Variants in FOXP1 observed in about 807,000 individuals in gnomAD.
FOXP1 encodes forkhead box P1.
Under a neutral mutation model 98.2 loss-of-function variants are expected in FOXP1, and 15 were observed. The observed-to-expected ratio is 0.15, with a 90% CI of 0.10 to 0.24. The LOEUF (loss-of-function observed/expected upper bound fraction) is 0.24, where lower values mean the gene tolerates loss of function less well. FOXP1 is among the 10% of genes least tolerant of loss of function. FOXP1 has a pLI of 1.00. For synonymous variants in FOXP1, 371 were observed against 314.5 expected, an observed-to-expected ratio of 1.18 and a Z score of -1.90; for missense variants, 633 against 848.5, an observed-to-expected ratio of 0.75 and a Z score of 3.15.
intron 12 of FOXP1, among the ~76,000 whole-genome samples, chr3:71,014,557 G>C (rs2044160269): frequency 6.6e-6 from 1 of 152,198 alleles, no homozygotes; most frequent in Non-Finnish European, 1.5e-5. Flanking sequence ...GTGTAAACTA[G>C]TACAACCATT....
intron 3 of FOXP1, among the ~76,000 whole-genome samples, chr3:71,436,209 C>T (rs1029318466): frequency 1.3e-5 from 2 of 151,974 alleles, no homozygotes; most frequent in Admixed American, 1.3e-4. Flanking sequence ...CCCGCAACAG[C>T]CCCTGCCACC....
At chr3:71,294,739 G>C (rs1216362955) in intron 5 of FOXP1, among the ~76,000 whole-genome samples, 1 of 152,144 alleles carries the variant, frequency 6.6e-6, no homozygotes, top group Admixed American at 6.5e-5. Context: ...TGGCCACCTA[G>C]GTAGAGACAC....
chr3:71,137,340 A>T (rs1411919960), intron 6 of FOXP1, among the ~76,000 whole-genome samples: 3 of 152,032 alleles, frequency 2.0e-5, no homozygotes, highest in Non-Finnish European at 2.9e-5. Context: ...ACAGCAAAAC[A>T]TCCTCGCCAG....
intron 6 of FOXP1, among the ~76,000 whole-genome samples, chr3:71,166,361 C>T (rs2061400612): frequency 6.6e-6 from 1 of 152,148 alleles, no homozygotes; most frequent in Non-Finnish European, 1.5e-5. Context: ...CTGTTACGGC[C>T]CCCATCTTCC....
chr3:71,029,690 C>T (rs959369378), intron 11 of FOXP1, among the ~76,000 whole-genome samples: 5 of 152,124 alleles, frequency 3.3e-5, no homozygotes, highest in African/African-American at 9.7e-5. Flanking sequence ...CACGCTGGGC[C>T]CATTTTTAAC....
chr3:71,461,263 A>G (rs2088070044), intron 3 of FOXP1, among the ~76,000 whole-genome samples: 1 of 152,208 alleles, frequency 6.6e-6, no homozygotes, highest in African/African-American at 2.4e-5. Flanking sequence ...CTTTTGTTTC[A>G]TATTAGAATA....
intron 6 of FOXP1, among the ~76,000 whole-genome samples, chr3:71,142,317 C>G (rs1228620484): frequency 6.6e-6 from 1 of 152,196 alleles, no homozygotes; most frequent in Non-Finnish European, 1.5e-5. Context: ...TAACACACCC[C>G]TTCCCAGAGA....
At chr3:71,459,359 G>A (rs2087800364) in intron 3 of FOXP1, among the ~76,000 whole-genome samples, 1 of 152,176 alleles carries the variant, frequency 6.6e-6, no homozygotes, top group Non-Finnish European at 1.5e-5. Context: ...AAGTTACAAG[G>A]TCATGCTTCA....
intron 6 of FOXP1, among the ~76,000 whole-genome samples, chr3:71,185,520 C>A (rs1412327840): frequency 6.6e-6 from 1 of 152,166 alleles, no homozygotes; most frequent in Non-Finnish European, 1.5e-5. Flanking sequence ...ACAACACCAA[C>A]TAAATTATCA....
chr3:71,574,472 T>C (rs1477801278), intron 2 of FOXP1: 1 of 152,230 alleles, frequency 6.6e-6, no homozygotes, highest in East Asian at 1.9e-4. Flanking sequence ...TTCCTTTATT[T>C]CATAATCTTG....
chr3:71,312,140 T>C (rs1357175973), intron 4 of FOXP1, among the ~76,000 whole-genome samples: 2 of 152,206 alleles, frequency 1.3e-5, no homozygotes, highest in African/African-American at 4.8e-5. Flanking sequence ...GAAGGGACAC[T>C]TAATGGAAGC....
intron 10 of FOXP1, among the ~76,000 whole-genome samples, chr3:71,044,348 G>A (rs1454892970): frequency 1.3e-5 from 2 of 152,188 alleles, no homozygotes; most frequent in African/African-American, 4.8e-5. Flanking sequence ...TAAAAGGTCA[G>A]AATAAGACTG....
chr3:71,327,110 T>C (rs1481410570), intron 4 of FOXP1, among the ~76,000 whole-genome samples: 1 of 151,880 alleles, frequency 6.6e-6, no homozygotes, highest in Admixed American at 6.6e-5. Flanking sequence ...CTCCCTAAGA[T>C]TGAGACCACA....
chr3:71,056,239 G>C (rs2050621688), intron 7 of FOXP1, among the ~76,000 whole-genome samples: 1 of 152,050 alleles, frequency 6.6e-6, no homozygotes. Flanking sequence ...CTTAACTCAG[G>C]TAAAACTAGA....
At chr3:71,450,550 G>C (rs575596643) in intron 3 of FOXP1, among the ~76,000 whole-genome samples, 12 of 152,280 alleles carry the variant, frequency 7.9e-5, no homozygotes, top group African/African-American at 2.9e-4. Flanking sequence ...GCTTGCTCTT[G>C]TTTCTGAACA....
chr3:71,170,482 T>G (rs2061597554), intron 6 of FOXP1, among the ~76,000 whole-genome samples: 1 of 152,214 alleles, frequency 6.6e-6, no homozygotes. Flanking sequence ...GAGTCAAATT[T>G]GCCAACATGG....
At chr3:71,448,024 G>A (rs1342284685) in intron 3 of FOXP1, among the ~76,000 whole-genome samples, 1 of 152,158 alleles carries the variant, frequency 6.6e-6, no homozygotes, top group Non-Finnish European at 1.5e-5. Flanking sequence ...CCACACATCA[G>A]ATAGTGCCAG....
intron 4 of FOXP1, among the ~76,000 whole-genome samples, chr3:71,335,525 T>C (rs1365454566): frequency 6.6e-6 from 1 of 152,062 alleles, no homozygotes; most frequent in Non-Finnish European, 1.5e-5. Flanking sequence ...ATGTAATAAA[T>C]AGGAGGTTAA....
chr3:71,233,991 C>T (rs1250715344), intron 5 of FOXP1, among the ~76,000 whole-genome samples: 1 of 152,044 alleles, frequency 6.6e-6, no homozygotes, highest in African/African-American at 2.4e-5. Context: ...AGGGCTGCTT[C>T]CAGTCCTGGT....
Sources: gnomAD v4.1 joint callset for allele counts (sites outside exome capture counted in the v4.1 genomes callset) on GRCh38, gnomAD v4.1.1 for gene constraint, MANE v1.5 for transcripts, NCBI Gene and HGNC (gene_info 2026-07-23, HGNC 2026-07-21) for gene names.